Variants in FGF14 observed in about 807,000 individuals in gnomAD.
FGF14 encodes the protein fibroblast growth factor homologous factor 4.
A neutral mutation model predicts 25.5 loss-of-function variants in FGF14; 5 were observed. The observed-to-expected ratio is 0.20, with a 90% CI of 0.10 to 0.41. The LOEUF (loss-of-function observed/expected upper bound fraction) is 0.41, where lower values mean the gene tolerates loss of function less well. Ranked by LOEUF, FGF14 falls within the 10% of genes least tolerant of loss-of-function variation. The pLI, the probability that FGF14 is intolerant of heterozygous loss-of-function variation, is 1.00. For synonymous variants in FGF14, 138 were observed against 118.3 expected, an observed-to-expected ratio of 1.17 and a Z score of -1.08; for missense variants, 222 against 320.1, an observed-to-expected ratio of 0.69 and a Z score of 2.34.
At chr13:101,868,363 C>G (rs377490480) in intron 3 of FGF14, 10 of 213,332 alleles carry the variant, frequency 4.7e-5, no homozygotes, top group African/African-American at 1.6e-4. Flanking sequence ...AAAATACTCT[C>G]CTTTTACTTT....
chr13:102,043,783 C>T (rs1331281743), intron 1 of FGF14, among the ~76,000 whole-genome samples: 2 of 152,128 alleles, frequency 1.3e-5, no homozygotes, highest in Non-Finnish European at 2.9e-5. Context: ...CTTGGGCAAG[C>T]CATTTAACCT....
chr13:101,767,558 T>G (rs76952523), intron 3 of FGF14, among the ~76,000 whole-genome samples: 2,166 of 152,316 alleles, frequency 0.014, 48 homozygotes, highest in African/African-American at 0.048. Context: ...ATCCCTTTTG[T>G]AAACCCATGC....
chr13:102,165,410 C>A (rs995736861), intron 1 of FGF14, among the ~76,000 whole-genome samples: 27 of 152,024 alleles, frequency 1.8e-4, no homozygotes, highest in African/African-American at 6.5e-4. Context: ...GACGTGGAAC[C>A]AACCCAAATG....
intron 2 of FGF14, 46 bp downstream of exon 2, chr13:101,875,140 T>C (rs756389168): frequency 2.4e-6 from 3 of 1,242,054 alleles, no homozygotes; most frequent in African/African-American, 1.5e-5. Context: ...AGTAGCAGTG[T>C]ATCTTCTACC....
intron 3 of FGF14, among the ~76,000 whole-genome samples, chr13:101,765,554 G>A (rs575058028): frequency 3.3e-5 from 5 of 152,056 alleles, no homozygotes; most frequent in East Asian, 1.9e-4. Flanking sequence ...GAATTGGTTC[G>A]TTATACCTTC....
intron 1 of FGF14, among the ~76,000 whole-genome samples, chr13:102,287,480 A>G (rs912091235): frequency 2.6e-5 from 4 of 152,196 alleles, no homozygotes; most frequent in Admixed American, 6.5e-5. Context: ...TATTAAGGCC[A>G]TGCCTTTTTT....
intron 1 of FGF14, among the ~76,000 whole-genome samples, chr13:101,916,115 C>G (rs959915392): frequency 2.0e-5 from 3 of 152,226 alleles, no homozygotes; most frequent in African/African-American, 7.2e-5. Flanking sequence ...GGAAGGGGTG[C>G]CCCGCGTTCC....
chr13:102,052,456 G>T (rs919826601), intron 1 of FGF14, among the ~76,000 whole-genome samples: 1 of 151,448 alleles, frequency 6.6e-6, no homozygotes, highest in Non-Finnish European at 1.5e-5. Flanking sequence ...TCAAAAATTG[G>T]ATTTCTGAAA....
chr13:101,758,343 A>G (rs1408265528), intron 3 of FGF14, among the ~76,000 whole-genome samples: 1 of 152,212 alleles, frequency 6.6e-6, no homozygotes, highest in Non-Finnish European at 1.5e-5. Context: ...CTGGGGACAG[A>G]GTAGGAGCGA....
chr13:102,091,588 C>G (rs74816229), intron 1 of FGF14, among the ~76,000 whole-genome samples: 5,476 of 152,288 alleles, frequency 0.036, 330 homozygotes, highest in East Asian at 0.2. Context: ...TGGTCCTCCT[C>G]AGAGGTCTGG....
chr13:102,345,755 G>A (rs1405939284), intron 1 of FGF14, among the ~76,000 whole-genome samples: 2 of 152,216 alleles, frequency 1.3e-5, no homozygotes, highest in African/African-American at 4.8e-5. Context: ...TCTTCTTGGA[G>A]AGGTAAAATG....
chr13:102,040,459 C>T (rs1379355759), intron 1 of FGF14, among the ~76,000 whole-genome samples: 2 of 152,096 alleles, frequency 1.3e-5, no homozygotes, highest in African/African-American at 4.8e-5. Flanking sequence ...ACAGTTGCTA[C>T]AGAAACAGTA....
intron 1 of FGF14, among the ~76,000 whole-genome samples, chr13:101,974,358 C>G (rs969728877): frequency 1.3e-5 from 2 of 152,148 alleles, no homozygotes; most frequent in African/African-American, 4.8e-5. Context: ...TAATAAGTGG[C>G]AGACCTGGGA....
chr13:102,022,757 T>TA (rs767726125), intron 1 of FGF14, among the ~76,000 whole-genome samples: 2 of 152,220 alleles, frequency 1.3e-5, no homozygotes, highest in South Asian at 4.1e-4. Context: ...TTTTAAACTA[T>TA]AAAAAAGAGA....
intron 1 of FGF14, among the ~76,000 whole-genome samples, chr13:102,048,777 C>T (rs2042099322): frequency 6.6e-6 from 1 of 152,130 alleles, no homozygotes; most frequent in Non-Finnish European, 1.5e-5. Context: ...TGCCCAATTC[C>T]AGAACCGAGG....
intron 1 of FGF14, among the ~76,000 whole-genome samples, chr13:101,980,105 G>A (rs1287577587): frequency 6.6e-6 from 1 of 152,146 alleles, no homozygotes; most frequent in East Asian, 1.9e-4. Flanking sequence ...TTATCTACAA[G>A]TAAGCCATCT....
chr13:102,052,045 T>C (rs2042235106), intron 1 of FGF14, among the ~76,000 whole-genome samples: 2 of 152,188 alleles, frequency 1.3e-5, no homozygotes, highest in East Asian at 3.9e-4. Flanking sequence ...CACAAAAAGT[T>C]TAACAGATTA....
At chr13:102,219,668 C>T (rs2050524959) in intron 1 of FGF14, among the ~76,000 whole-genome samples, 1 of 152,170 alleles carries the variant, frequency 6.6e-6, no homozygotes, top group Admixed American at 6.6e-5. Context: ...CTAAAATATA[C>T]TCAGTTTATA....
intron 1 of FGF14, among the ~76,000 whole-genome samples, chr13:102,388,042 T>G (rs1171530089): frequency 2.0e-5 from 3 of 152,212 alleles, no homozygotes; most frequent in Admixed American, 2.0e-4. Flanking sequence ...GGTAGTTTTT[T>G]GATCCTCAAC....
Sources: gnomAD v4.1 joint callset for allele counts (sites outside exome capture counted in the v4.1 genomes callset) on GRCh38, gnomAD v4.1.1 for gene constraint, MANE v1.5 for transcripts, NCBI Gene and HGNC (gene_info 2026-07-23, HGNC 2026-07-21) for gene names.